SPCS2: variants seen among roughly 807,000 people sequenced by gnomAD.
SPCS2 encodes the protein SPase 25 kDa subunit.
Under a neutral mutation model 22.3 loss-of-function variants are expected in SPCS2, and 3 were observed. The ratio of observed to expected loss-of-function variants is 0.13; its 90% CI spans 0.06 to 0.35. The LOEUF (loss-of-function observed/expected upper bound fraction) is 0.35. Among genes scored for constraint, SPCS2 ranks in the 10% least tolerant of loss-of-function variants. The pLI is 1.00. For synonymous variants in SPCS2, 67 were observed against 97.2 expected, an observed-to-expected ratio of 0.69 and a Z score of 1.83; for missense variants, 169 against 280.9, an observed-to-expected ratio of 0.60 and a Z score of 2.85.
At chr11:74,963,455 TA>T (rs954337679) in intron 1 of SPCS2, 662 of 292,188 alleles carry the variant, frequency 2.3e-3, no homozygotes, top group Middle Eastern at 3.9e-3. Flanking sequence ...GAATCACAGT[TA>T]AAAAAAAAAC....
At chr11:74,951,717 G>C (rs1236626712) in intron 1 of SPCS2, among the ~76,000 whole-genome samples, 1 of 151,106 alleles carries the variant, frequency 6.6e-6, no homozygotes, top group Non-Finnish European at 1.5e-5. Flanking sequence ...GGCTGAGGCA[G>C]GAGAATCGCT....
rs149573455 is a variant in SPCS2 at position 74,950,570 on chromosome 11, G to A, written c.114+1171G>A. On this transcript the variant is annotated intron_variant, in intron 1 of 4. Coordinates refer to ENST00000263672, the MANE Select transcript of SPCS2 (RefSeq NM_014752.3). Reference sequence around the variant, plus strand: ...CATGGTTCTCACACTCTTCTCTTGTGAGAGGGGTCACGCTCCATTGCCCAG... The same window carrying A: ...CATGGTTCTCACACTCTTCTCTTGTAAGAGGGGTCACGCTCCATTGCCCAG... 7.4e-3 allele frequency among the ~76,000 whole-genome samples: 1,129 copies of A among 152,268 alleles called. 12 individuals carry two copies. The highest frequency in any genetic ancestry group is 0.013 in the Non-Finnish European group (855 of 68,012).
intron 1 of SPCS2, 135 bp downstream of exon 1, chr11:74,949,534 T>A: frequency 1.3e-6 from 1 of 781,932 alleles, no homozygotes; most frequent in Non-Finnish European, 2.2e-6. Context: ...ATCACAACCC[T>A]ACGCACGCTT....
chr11:74,958,833 C>T (rs1229028421), intron 1 of SPCS2, among the ~76,000 whole-genome samples: 1 of 152,112 alleles, frequency 6.6e-6, no homozygotes, highest in Non-Finnish European at 1.5e-5. Flanking sequence ...AGCATTGAGG[C>T]TCTGCACTTA....
intron 1 of SPCS2, among the ~76,000 whole-genome samples, chr11:74,958,146 G>A (rs1948490259): frequency 1.3e-5 from 2 of 152,198 alleles, no homozygotes. Context: ...GCTAAATGCA[G>A]TTTGTGGTGG....
intron 4 of SPCS2, among the ~76,000 whole-genome samples, chr11:74,972,558 C>T (rs1315179672): frequency 2.0e-5 from 3 of 152,180 alleles, no homozygotes; most frequent in African/African-American, 7.2e-5. Context: ...CCAGACCCAG[C>T]CCAGGGCCTG....
At chr11:74,968,652 TAG>T in intron 3 of SPCS2, among the ~76,000 whole-genome samples, 1 of 151,864 alleles carries the variant, frequency 6.6e-6, no homozygotes, top group Non-Finnish European at 1.5e-5. Flanking sequence ...GCCTCCTGAG[TAG>T]CAGGACTACA....
In SPCS2 at chr11:74,977,164, T is replaced by A. The variant is rs1188650313; in HGVS notation, c.*121T>A. The A allele has an allele frequency of 7.5e-7, 1 of 1,334,546 alleles. No homozygotes were observed. The highest frequency in any genetic ancestry group is 9.9e-7 in the Non-Finnish European group (1 of 1,006,322). 82.7% of individuals were successfully genotyped at this position (1,334,546 alleles called of 1,614,324 possible). On this transcript the variant is annotated 3_prime_UTR_variant, in exon 5 of 5. Transcript: ENST00000263672. ...GAAATGTTAAAAAGTCCCTGTTTTG[T>A]CCTGAAATTTTAGTCTATTCTGGGT...
At chr11:74,959,769 G>A (rs566319629) in intron 1 of SPCS2, among the ~76,000 whole-genome samples, 5 of 152,222 alleles carry the variant, frequency 3.3e-5, no homozygotes, top group Non-Finnish European at 7.4e-5. Flanking sequence ...GGGAACAGAA[G>A]GCTGTATTCC....
rs1440764375 is a variant in SPCS2, at chr11:74,977,702, A to G, written c.*659A>G. 5 of 152,638 alleles carry G rather than the reference A, an allele frequency of 3.3e-5. No homozygotes were observed. In the East Asian group the frequency reaches 9.6e-4, roughly 29 times the overall value. 9.5% of individuals were successfully genotyped at this position (152,638 alleles called of 1,614,324 possible). On this transcript the variant is annotated 3_prime_UTR_variant, in exon 5 of 5. Transcript: ENST00000263672. ...TGCCTTTTATTAACTGCCATTTTCT[A>G]AAATTTTTTTCAATAAAAGGAAGGA...
In SPCS2 at chr11:74,949,419, G is replaced by C; in HGVS notation, c.114+20G>C. The C allele has an allele frequency of 6.5e-7, 1 of 1,547,510 alleles. No individual in the cohort carries two copies. Among genetic ancestry groups the C allele is most frequent in the Non-Finnish European group, 8.7e-7 (1 of 1,143,568 alleles). On this transcript the variant is annotated intron_variant, in intron 1 of 4. Transcript: ENST00000263672. ...GATAAGGTGAGGAGCCGGTTCTTGG[G>C]AACAGTTGAATCCTGGGGAGGCCTG...
At chr11:74,949,669 A>G (rs1948326341) in intron 1 of SPCS2, 3 of 504,586 alleles carry the variant, frequency 5.9e-6, no homozygotes, top group South Asian at 4.6e-5. Flanking sequence ...TTTTTCCTAT[A>G]TTTAATCGTG....
chr11:74,969,845 T>G, intron 4 of SPCS2, 146 bp downstream of exon 4: 1 of 994,424 alleles, frequency 1.0e-6, no homozygotes, highest in Non-Finnish European at 1.5e-6. Flanking sequence ...ATGGATGATC[T>G]AGAAGGTTTG....
At chr11:74,961,758 C>T (rs1176843207) in intron 1 of SPCS2, among the ~76,000 whole-genome samples, 1 of 151,974 alleles carries the variant, frequency 6.6e-6, no homozygotes, top group Admixed American at 6.6e-5. Context: ...GGACTCCTAA[C>T]CTCAAATGAT....
intron 4 of SPCS2, among the ~76,000 whole-genome samples, chr11:74,972,188 C>T (rs1314145848): frequency 1.3e-5 from 2 of 152,114 alleles, no homozygotes; most frequent in African/African-American, 2.4e-5. Context: ...GCCTCAGCCT[C>T]CTGAGTAGCT....
At chr11:74,965,169 C>A in intron 2 of SPCS2, 52 bp downstream of exon 2, 1 of 1,193,468 alleles carries the variant, frequency 8.4e-7, no homozygotes, top group Non-Finnish European at 1.2e-6. Flanking sequence ...ATGGCCATCT[C>A]TCCTGGGAAA....
At chr11:74,955,964 T>C (rs1948476917) in intron 1 of SPCS2, among the ~76,000 whole-genome samples, 1 of 147,832 alleles carries the variant, frequency 6.8e-6, no homozygotes, top group Non-Finnish European at 1.5e-5. Flanking sequence ...CAAATTTCAA[T>C]AGTAGTTTTT....
intron 1 of SPCS2, among the ~76,000 whole-genome samples, chr11:74,955,849 AAAATATAT>A (rs1948474785): frequency 2.8e-5 from 1 of 36,214 alleles, no homozygotes; most frequent in African/African-American, 7.6e-5. Flanking sequence ...ATTACTAATT[AAAATATAT>A]ATATATATAT....
Position 74,949,322 on chromosome 11 carries a change from G to A in SPCS2, c.37G>A (p.Gly13Ser). 6.4e-7 allele frequency: 1 copy of A among 1,550,594 alleles called. No individual in the cohort carries two copies. The highest frequency in any genetic ancestry group is 8.7e-7 in the Non-Finnish European group (1 of 1,146,688). The change falls in exon 1 of 5, where the codon GGT becomes AGT. Residue 13 changes from glycine (G) to serine (S), a missense_variant. Around this residue, in one of 2 missense-constraint regions of SPCS2, gnomAD observed 51 missense variants for 37.8 expected, o/e 1.35. Transcript: ENST00000263672. ...AGCTGTACAGGGCGGGAGAAGCGGTGGTAGCGGAGGCTGTAGTGGGGCTGG... is the reference window on the plus strand; with the variant it reads ...AGCTGTACAGGGCGGGAGAAGCGGTAGTAGCGGAGGCTGTAGTGGGGCTGG... ...AAAVQGGRSG[G>S]SGGCSGAGGA...
Sources: gnomAD v4.1 joint callset for allele counts (sites outside exome capture counted in the v4.1 genomes callset) on GRCh38, gnomAD v4.1.1 for gene constraint, gnomAD v4.1.1 regional missense constraint, MANE v1.5 for transcripts, NCBI Gene and HGNC (gene_info 2026-07-23, HGNC 2026-07-21) for gene names.